DGKK: variants seen among roughly 807,000 people sequenced by gnomAD.
DGKK encodes 142 kDa diacylglycerol kinase.
A neutral mutation model predicts 92.2 loss-of-function variants in DGKK; 35 were observed. The observed-to-expected ratio is 0.38, with a 90% CI of 0.29 to 0.50. DGKK has a LOEUF of 0.50. Ranked by LOEUF, DGKK falls within the 20% of genes least tolerant of loss-of-function variation. The pLI is 0.92. For missense variants in DGKK, 910 were observed against 992.2 expected, an observed-to-expected ratio of 0.92 and a Z score of 1.11; for synonymous variants, 368 against 360.6, an observed-to-expected ratio of 1.02 and a Z score of -0.23.
chrX:50,446,377 C>T (rs1557231861), intron 1 of DGKK, among the ~76,000 whole-genome samples: 1 of 111,416 alleles, frequency 9.0e-6, no homozygotes, highest in Non-Finnish European at 1.9e-5. Flanking sequence ...TCCTCTGTAG[C>T]ATTTGGTGTT....
At chrX:50,391,218 T>C (rs1235475674) in intron 11 of DGKK, among the ~76,000 whole-genome samples, 1 of 111,191 alleles carries the variant, frequency 9.0e-6, no homozygotes, top group Non-Finnish European at 1.9e-5. Context: ...CCCAGTAGGA[T>C]CCTTTAGTTT....
At chrX:50,388,104 G>A (rs1160553403) in intron 13 of DGKK, among the ~76,000 whole-genome samples, 1 of 112,079 alleles carries the variant, frequency 8.9e-6, no homozygotes, top group Non-Finnish European at 1.9e-5. Context: ...CCCCTAAGAA[G>A]TCCCAGAAGA....
chrX:50,434,059 A>G (rs1043800947), intron 1 of DGKK, among the ~76,000 whole-genome samples: 4 of 110,562 alleles, frequency 3.6e-5, no homozygotes, highest in Non-Finnish European at 5.7e-5. Context: ...GTGGACGTTT[A>G]TTCTCTCAGG....
chrX:50,460,832 G>T (rs972674948), intron 1 of DGKK, among the ~76,000 whole-genome samples: 1 of 110,312 alleles, frequency 9.1e-6, no homozygotes, highest in Non-Finnish European at 1.9e-5. Flanking sequence ...TTCCCTTCTG[G>T]GTATGGCATA....
chrX:50,387,501 AG>A, intron 14 of DGKK, 52 bp downstream of exon 14: 3 of 939,228 alleles, frequency 3.2e-6, no homozygotes, highest in Non-Finnish European at 4.5e-6. Context: ...TTTATTAAAA[AG>A]GGCCCCTGGC....
chrX:50,439,861 C>T (rs1926124708), intron 1 of DGKK, among the ~76,000 whole-genome samples: 1 of 110,426 alleles, frequency 9.1e-6, no homozygotes, highest in Non-Finnish European at 1.9e-5. Context: ...ATGAGGTCCC[C>T]AGAGAAAAAA....
chrX:50,382,655 C>T lies in DGKK; in HGVS notation c.2550-52G>A. ...ACATTGGTGCAGGAAAGAAGTGCCG[C>T]TATCAATTGGGCATGAAGATGAATC... On this transcript the variant is annotated intron_variant, in intron 17 of 27. Transcript: ENST00000611977. 8.0e-6 allele frequency: 8 copies of T among 994,210 alleles called. 1 individual carries two copies. Among genetic ancestry groups the T allele is most frequent in the Non-Finnish European group, 8.4e-6 (6 of 714,315 alleles). 81.9% of individuals were successfully genotyped at this position (994,210 alleles called of 1,213,427 possible). A position where few individuals can be genotyped will look rare whatever the true frequency, so the allele number is the denominator to read the frequency against.
intron 1 of DGKK, among the ~76,000 whole-genome samples, chrX:50,431,597 C>T (rs782505394): frequency 8.9e-6 from 1 of 111,782 alleles, no homozygotes; most frequent in South Asian, 3.8e-4. Flanking sequence ...AGAAGGCCAG[C>T]TTTCTGTCTA....
Position 50,387,617 on chromosome X carries a change from A to G in DGKK, c.2055T>C (p.Asp685=), listed in dbSNP as rs1557225096. ...LCSAVEDFVV[D]IVKAWGQIKQ... ...TTATCTGACCCCAGGCCTTTACAAT[A>G]TCAACCACAAAATCTTCCACAGCTG... The change falls in exon 14 of 28, where the codon GAT becomes GAC. Residue 685 remains aspartate (D), a synonymous_variant. Coordinates refer to ENST00000611977, the MANE Select transcript of DGKK (RefSeq NM_001013742.4). 2 of 1,206,151 alleles carry G rather than the reference A, an allele frequency of 1.7e-6. No homozygotes were observed. The highest frequency in any genetic ancestry group is 3.5e-5 in the African/African-American group (2 of 57,109).
chrX:50,464,851 T>C (rs1477846114), intron 1 of DGKK, among the ~76,000 whole-genome samples: 5 of 111,482 alleles, frequency 4.5e-5, no homozygotes, highest in African/African-American at 1.3e-4. Context: ...CACAGTGTTG[T>C]GCACCCATCA....
rs187099116 is a variant in DGKK, at chrX:50,423,239, T to C, written c.757-713A>G. Among the ~76,000 whole-genome samples the C allele has an allele frequency of 3.6e-5, 4 of 112,229 alleles. No individual in the cohort carries two copies. In the East Asian group the frequency reaches 1.1e-3, roughly 31 times the overall value. The stretch of plus-strand genomic sequence containing the variant: ...AGGCGCATTATACATTTCCACCCCA[T>C]GTCTTGTTGCTCCATTTGCATTTGT... On this transcript the variant is annotated intron_variant, in intron 2 of 27. Transcript: ENST00000611977.
At chrX:50,369,284 T>G (rs1924051805) in intron 27 of DGKK, among the ~76,000 whole-genome samples, 1 of 110,540 alleles carries the variant, frequency 9.0e-6, no homozygotes, top group African/African-American at 3.3e-5. Context: ...AACACTATTG[T>G]CTCCCAATTG....
rs1927059159 is a variant in DGKK at position 50,470,760 on chromosome X, C to T, written c.-82G>A. 1 of 1,028,753 alleles carries T rather than the reference C, an allele frequency of 9.7e-7. No homozygotes were observed. Among genetic ancestry groups the T allele is most frequent in the African/African-American group, 1.9e-5 (1 of 52,138 alleles). The allele number at this position is 1,028,753 out of a possible 1,213,427, so 84.8% of individuals were successfully genotyped here. On this transcript the variant is annotated 5_prime_UTR_variant, in exon 1 of 28. The change creates a premature stop within an existing upstream ORF in the 5' untranslated region. Transcript: ENST00000611977. Reference sequence around the variant, plus strand: ...GTACCCTCGGGCGCCCCGCCCACTCCAGTCCGGCAGCCCCTCGCAGGGTGC... The same window carrying T: ...GTACCCTCGGGCGCCCCGCCCACTCTAGTCCGGCAGCCCCTCGCAGGGTGC...
chrX:50,439,111 C>A (rs922872433), intron 1 of DGKK, among the ~76,000 whole-genome samples: 2 of 111,607 alleles, frequency 1.8e-5, no homozygotes, highest in Non-Finnish European at 3.8e-5. Flanking sequence ...TTGGGGAAAA[C>A]ACATCTGGAG....
At position 50,384,777 on chromosome X, in the gene DGKK, A is replaced by T; in HGVS notation, c.2395T>A (p.Ser799Thr). Residue 799 changes from serine (S) to threonine (T), a missense_variant, in exon 16 of 28, where the codon TCA (serine) becomes ACA (threonine). Coordinates refer to ENST00000611977, the MANE Select transcript of DGKK (RefSeq NM_001013742.4). ...RQTISVKNFS[S>T]TFFLEDDPED... The stretch of plus-strand genomic sequence containing the variant: ...GGGTCATCTTCCAGGAAGAAAGTTG[A>T]ACTAAAGTTCTTAACAGATATTGTC... The T allele has an allele frequency of 8.3e-7, 1 of 1,210,820 alleles. No individual in the cohort carries two copies. The highest frequency in any genetic ancestry group is 1.8e-5 in the South Asian group (1 of 56,817).
chrX:50,466,194 TTAGGAACTATTAGAATACACCAAA>T (rs1464017528), intron 1 of DGKK, among the ~76,000 whole-genome samples: 8 of 109,717 alleles, frequency 7.3e-5, no homozygotes, highest in African/African-American at 2.0e-4. Context: ...TAGTGACTGC[TTAGGAACTATTAGAATACACCAAA>T]TAAATCAGAT....
At chrX:50,407,829 A>G (rs1247872043) in intron 4 of DGKK, among the ~76,000 whole-genome samples, 1 of 112,535 alleles carries the variant, frequency 8.9e-6, no homozygotes, top group Non-Finnish European at 1.9e-5. Context: ...TGGAGAGATT[A>G]GATGTGGGAC....
intron 25 of DGKK, among the ~76,000 whole-genome samples, 186 bp from the exon 26 acceptor site, chrX:50,372,020 G>T (rs1036349561): frequency 2.7e-5 from 3 of 111,094 alleles, no homozygotes; most frequent in Admixed American, 9.5e-5. Context: ...CAAATGGTGG[G>T]GCTCTCCTTG....
intron 25 of DGKK, among the ~76,000 whole-genome samples, chrX:50,374,161 T>C (rs1363702846): frequency 9.0e-6 from 1 of 111,666 alleles, no homozygotes; most frequent in Non-Finnish European, 1.9e-5. Flanking sequence ...GGAAATAGGG[T>C]CATTGCAGAT....
Sources: allele counts gnomAD v4.1 joint callset (sites outside exome capture counted in the v4.1 genomes callset), GRCh38; gene constraint gnomAD v4.1.1; transcripts MANE v1.5; gene names NCBI Gene and HGNC (gene_info 2026-07-23, HGNC 2026-07-21).